The following RTF1 variants were observed in gnomAD, a reference collection of about 807,000 sequenced individuals.
RTF1 encodes the protein RTF1 homolog, Paf1/RNA polymerase II complex component.
RTF1 carries 10 observed loss-of-function variants against 95.7 expected under a neutral mutation model. The observed-to-expected ratio is 0.10, with a 90% CI of 0.06 to 0.18. The LOEUF is 0.18. RTF1 is among the 10% of genes least tolerant of loss of function. The probability of loss-of-function intolerance (pLI) is 1.00; values close to 1 mark genes in which losing one functional copy is unlikely to be tolerated. For synonymous variants in RTF1, 305 were observed against 311.8 expected (o/e 0.98, Z 0.23); for missense variants, 458 against 875.6 (o/e 0.52, Z 6.02).
Position 41,478,669 on chromosome 15 carries a change from G to A in RTF1, c.1818+44G>A, listed in dbSNP as rs377426969. On this transcript the variant is annotated intron_variant, in intron 15 of 17. Coordinates refer to ENST00000389629, the MANE Select transcript of RTF1 (RefSeq NM_015138.5). ...CATTTTAGTCAGGACCTAGATTCTA[G>A]GACACAAAATGAATTCCATTAGGAA... The A allele has an allele frequency of 6.7e-4, 957 of 1,426,292 alleles. 10 individuals carry two copies. Among genetic ancestry groups the A allele is most frequent in the Middle Eastern group, 3.5e-4 (2 of 5,724 alleles). 88.4% of individuals were successfully genotyped at this position (1,426,292 alleles called of 1,614,324 possible).
intron 2 of RTF1, among the ~76,000 whole-genome samples, chr15:41,447,899 A>G (rs1049498680): frequency 8.5e-5 from 13 of 152,124 alleles, no homozygotes; most frequent in African/African-American, 2.9e-4. Context: ...GTGCAAGGTC[A>G]TTTTCTCTAC....
At position 41,466,244 on chromosome 15, in the gene RTF1, A is replaced by G. The variant is rs1209357457; in HGVS notation, c.881A>G (p.Asn294Ser). ...AAAGCAGAGCGAGAAAAACGAAAGA[A>G]CAGAACAGGTAAGCGAGGGAAATAT... The part of the protein sequence containing the change: ...ELKAEREKRK[N>S]RTAELLAKKQ... Residue 294 changes from asparagine (N) to serine (S), a missense_variant, in exon 6 of 18, where the codon AAC becomes AGC. Asn to Ser is a conservative substitution (Grantham distance 46, BLOSUM62 1). Transcript: ENST00000389629. 1 of 1,574,886 alleles carries G rather than the reference A, an allele frequency of 6.3e-7. No homozygotes were observed. The highest frequency in any genetic ancestry group is 8.6e-7 in the Non-Finnish European group (1 of 1,161,346).
intron 8 of RTF1, among the ~76,000 whole-genome samples, chr15:41,472,663 A>G (rs551134597): frequency 2.0e-5 from 3 of 147,854 alleles, no homozygotes; most frequent in African/African-American, 7.5e-5. Context: ...GACTACAGGC[A>G]TGCGCCACCA....
At chr15:41,462,890 G>A (rs148963729) in intron 4 of RTF1, among the ~76,000 whole-genome samples, 1 of 152,044 alleles carries the variant, frequency 6.6e-6, no homozygotes, top group Non-Finnish European at 1.5e-5. Context: ...CAAGTAGCTG[G>A]GACTATAGGC....
intron 1 of RTF1, among the ~76,000 whole-genome samples, chr15:41,434,662 C>G (rs1239737277): frequency 6.7e-6 from 1 of 149,676 alleles, no homozygotes; most frequent in African/African-American, 2.5e-5. Flanking sequence ...GAGTCTTGCA[C>G]TGTCACCCGG....
At chr15:41,438,553 T>C (rs1053241137) in intron 2 of RTF1, 122 bp downstream of exon 2, 5 of 598,340 alleles carry the variant, frequency 8.4e-6, no homozygotes, top group African/African-American at 3.7e-5. Flanking sequence ...CAAGAATTTA[T>C]TGGGGAAAGA....
At chr15:41,474,852 C>T in intron 9 of RTF1, 150 bp downstream of exon 9, 1 of 676,296 alleles carries the variant, frequency 1.5e-6, no homozygotes, top group Non-Finnish European at 2.7e-6. Context: ...ACTTGTATTC[C>T]ATCTTTGTCT....
chr15:41,425,890 G>A (rs905699653), intron 1 of RTF1, among the ~76,000 whole-genome samples: 1 of 152,132 alleles, frequency 6.6e-6, no homozygotes, highest in Non-Finnish European at 1.5e-5. Flanking sequence ...TGCTGGAGGA[G>A]CAGGTTTAGA....
At chr15:41,436,226 C>T (rs541482276) in intron 1 of RTF1, among the ~76,000 whole-genome samples, 30 of 147,512 alleles carry the variant, frequency 2.0e-4, no homozygotes, top group Non-Finnish European at 4.2e-4. Context: ...CCAAAGCAGG[C>T]GGATCACGAG....
At chr15:41,448,050 T>A (rs1595431963) in intron 2 of RTF1, among the ~76,000 whole-genome samples, 1 of 152,144 alleles carries the variant, frequency 6.6e-6, no homozygotes, top group Non-Finnish European at 1.5e-5. Context: ...TTTGCAGGGA[T>A]GGGTGAGCCA....
intron 4 of RTF1, 84 bp downstream of exon 4, chr15:41,457,960 CT>C: frequency 9.6e-7 from 1 of 1,039,146 alleles, no homozygotes; most frequent in Non-Finnish European, 1.4e-6. Context: ...TCCTTCACAC[CT>C]GACCTACACA....
chr15:41,478,943 CTTTTTTTT>C, intron 15 of RTF1, 152 bp from the exon 16 acceptor site: 1 of 508,168 alleles, frequency 2.0e-6, no homozygotes, highest in Non-Finnish European at 3.4e-6. Flanking sequence ...TTGTAATTGC[CTTTTTTTT>C]TTTTTTTTTT....
chr15:41,429,513 C>T (rs2050657959), intron 1 of RTF1, among the ~76,000 whole-genome samples: 1 of 151,742 alleles, frequency 6.6e-6, no homozygotes, highest in African/African-American at 2.4e-5. Flanking sequence ...TACTCCCCTG[C>T]TTCAAACCAT....
At chr15:41,450,594 A>AG (rs1566842518) in intron 2 of RTF1, among the ~76,000 whole-genome samples, 2 of 151,994 alleles carry the variant, frequency 1.3e-5, no homozygotes, top group Non-Finnish European at 2.9e-5. Flanking sequence ...CAAAAAAAAA[A>AG]AAAAAAATTA....
At chr15:41,425,146 A>G (rs1439469074) in intron 1 of RTF1, among the ~76,000 whole-genome samples, 2 of 151,922 alleles carry the variant, frequency 1.3e-5, no homozygotes, top group East Asian at 3.9e-4. Flanking sequence ...TCTTTTGCCC[A>G]GGCCGGACTG....
At chr15:41,443,039 C>T (rs187109300) in intron 2 of RTF1, among the ~76,000 whole-genome samples, 2 of 152,172 alleles carry the variant, frequency 1.3e-5, no homozygotes, top group Admixed American at 6.5e-5. Context: ...GAAAGAAATA[C>T]GTTTGTCCCC....
chr15:41,452,831 G>A (rs2140958388), intron 2 of RTF1, 70 bp from the exon 3 acceptor site: 1 of 1,147,340 alleles, frequency 8.7e-7, no homozygotes, highest in East Asian at 2.8e-5. Flanking sequence ...CTTAACTCTT[G>A]AGTCTTCCAG....
At chr15:41,478,440 G>A in intron 14 of RTF1, 108 bp from the exon 15 acceptor site, 1 of 798,942 alleles carries the variant, frequency 1.3e-6, no homozygotes, top group Non-Finnish European at 2.0e-6. Flanking sequence ...AAGGATAATA[G>A]CTTTTTTTTT....
rs1383317474 is a variant in RTF1, at chr15:41,466,174, C to T, written c.811C>T (p.Arg271Trp). The change falls in exon 6 of 18, where the codon CGG (arginine) becomes TGG (tryptophan). Residue 271 changes from arginine (R) to tryptophan (W), a missense_variant. Coordinates refer to ENST00000389629, the MANE Select transcript of RTF1 (RefSeq NM_015138.5). ...CCACAACAAGGAACGGCGTTCCAAG[C>T]GGGATGAGAAACTAGACAAGAAATC... ...TSHNKERRSK[R>W]DEKLDKKSQA... The T allele has an allele frequency of 1.0e-5, 16 of 1,589,838 alleles. No homozygotes were observed. The highest frequency in any genetic ancestry group is 1.2e-5 in the Non-Finnish European group (14 of 1,169,222).
Sources: allele counts gnomAD v4.1 joint callset (sites outside exome capture counted in the v4.1 genomes callset), GRCh38; gene constraint gnomAD v4.1.1; transcripts MANE v1.5; gene names NCBI Gene and HGNC (gene_info 2026-07-23, HGNC 2026-07-21).